The following CDH12 variants were observed in gnomAD, a reference collection of about 807,000 sequenced individuals.
CDH12 encodes cadherin-12.
Under a neutral mutation model 74.1 loss-of-function variants are expected in CDH12, and 41 were observed. The ratio of observed to expected loss-of-function variants is 0.55; its 90% CI spans 0.43 to 0.72. The LOEUF (loss-of-function observed/expected upper bound fraction) is 0.72. CDH12 is among the 30% of genes least tolerant of loss of function. The probability of loss-of-function intolerance (pLI) is 0.00; values close to 1 mark genes in which losing one functional copy is unlikely to be tolerated. For synonymous variants in CDH12, 399 were observed against 355.0 expected (o/e 1.12, Z -1.39); for missense variants, 945 against 977.2 (o/e 0.97, Z 0.44).
chr5:21,837,422 G>C (rs1427679603), intron 8 of CDH12, among the ~76,000 whole-genome samples: 1 of 150,502 alleles, frequency 6.6e-6, no homozygotes, highest in Non-Finnish European at 1.5e-5. Context: ...AATTTGTGTA[G>C]CTTAAGCAAT....
intron 1 of CDH12, among the ~76,000 whole-genome samples, chr5:22,537,162 A>C (rs1168141854): frequency 6.6e-6 from 1 of 152,182 alleles, no homozygotes; most frequent in East Asian, 1.9e-4. Context: ...ATCAAGCAAA[A>C]CTATAAAGGT....
intron 8 of CDH12, among the ~76,000 whole-genome samples, chr5:21,836,004 C>T (rs764784582): frequency 1.3e-5 from 2 of 151,600 alleles, no homozygotes; most frequent in Admixed American, 6.6e-5. Context: ...CATATATACA[C>T]GTACATACAT....
At chr5:22,415,816 T>C (rs909916966) in intron 2 of CDH12, among the ~76,000 whole-genome samples, 4 of 152,038 alleles carry the variant, frequency 2.6e-5, no homozygotes, top group Non-Finnish European at 5.9e-5. Context: ...CTAAAACATT[T>C]GGCATTGGAT....
intron 4 of CDH12, among the ~76,000 whole-genome samples, chr5:22,153,395 T>C (rs1747745287): frequency 6.6e-6 from 1 of 151,802 alleles, no homozygotes; most frequent in Non-Finnish European, 1.5e-5. Context: ...ATTTCCCATG[T>C]ATTATCTAGG....
At chr5:22,493,544 T>A (rs1746976199) in intron 2 of CDH12, among the ~76,000 whole-genome samples, 1 of 148,962 alleles carries the variant, frequency 6.7e-6, no homozygotes, top group Admixed American at 6.8e-5. Context: ...CATGCACTAT[T>A]TCAAAAATAG....
chr5:22,343,321 C>CAGAGAGAGAGAG (rs1283582617), intron 3 of CDH12, among the ~76,000 whole-genome samples: 2 of 124,214 alleles, frequency 1.6e-5, no homozygotes, highest in African/African-American at 7.4e-5. Flanking sequence ...CAGACACACA[C>CAGAGAGAGAGAG]ACAGAGAGAG....
chr5:22,487,997 C>A (rs190988127), intron 2 of CDH12, among the ~76,000 whole-genome samples: 4 of 152,292 alleles, frequency 2.6e-5, no homozygotes, highest in Non-Finnish European at 5.9e-5. Flanking sequence ...TTTGATACCA[C>A]GTCCATCACA....
intron 11 of CDH12, among the ~76,000 whole-genome samples, chr5:21,772,964 C>T (rs1002196706): frequency 3.8e-4 from 58 of 152,038 alleles, no homozygotes; most frequent in African/African-American, 1.4e-3. Flanking sequence ...AGTTTGATTA[C>T]AGTAATGTAC....
At chr5:21,914,733 C>A (rs912014497) in intron 6 of CDH12, among the ~76,000 whole-genome samples, 1 of 152,122 alleles carries the variant, frequency 6.6e-6, no homozygotes, top group Non-Finnish European at 1.5e-5. Context: ...TGAAGAAAAT[C>A]TCCTTTACTT....
intron 5 of CDH12, among the ~76,000 whole-genome samples, chr5:22,002,119 C>T (rs911696745): frequency 2.0e-5 from 3 of 151,844 alleles, no homozygotes; most frequent in Non-Finnish European, 4.4e-5. Context: ...AGAGAGACTC[C>T]AAAACTCATT....
At chr5:22,325,809 G>A (rs1561314530) in intron 3 of CDH12, among the ~76,000 whole-genome samples, 1 of 152,134 alleles carries the variant, frequency 6.6e-6, no homozygotes, top group Non-Finnish European at 1.5e-5. Flanking sequence ...TCGGGAGGCT[G>A]AGGCGGGAGA....
intron 3 of CDH12, among the ~76,000 whole-genome samples, chr5:22,254,017 CT>C (rs1414636569): frequency 6.6e-6 from 1 of 151,574 alleles, no homozygotes; most frequent in African/African-American, 2.4e-5. Flanking sequence ...AGATAATTGT[CT>C]TTGAAAGAAA....
chr5:22,124,268 C>T (rs1258642417), intron 4 of CDH12, among the ~76,000 whole-genome samples: 3 of 152,178 alleles, frequency 2.0e-5, no homozygotes, highest in South Asian at 2.1e-4. Context: ...GGATCACATG[C>T]GTGGGCCACC....
At position 21,769,480 on chromosome 5, in the gene CDH12, G is replaced by C. The variant is rs1350892158; in HGVS notation, c.1394-4381C>G. Among the ~76,000 whole-genome samples, 3 of 152,220 alleles carry C rather than the reference G, an allele frequency of 2.0e-5. No homozygotes were observed. In the East Asian group the frequency reaches 5.8e-4, roughly 29 times the overall value. On this transcript the variant is annotated intron_variant, in intron 11 of 14. Transcript: ENST00000382254. The stretch of plus-strand genomic sequence containing the variant: ...ATACTAGCAACGTCTAAATTTGTTA[G>C]TATATTAATTACCCTTCTATACTCA...
At chr5:21,902,079 GCA>G (rs1477038064) in intron 6 of CDH12, among the ~76,000 whole-genome samples, 2 of 151,952 alleles carry the variant, frequency 1.3e-5, no homozygotes, top group Non-Finnish European at 2.9e-5. Flanking sequence ...TCAAAATTAT[GCA>G]CTATACGCAA....
rs1327902519 is a variant in CDH12 at position 21,817,094 on chromosome 5, C to A, written c.853G>T (p.Gly285Cys). 1 of 1,611,774 alleles carries A rather than the reference C, an allele frequency of 6.2e-7. No individual in the cohort carries two copies. Among genetic ancestry groups the A allele is most frequent in the South Asian group, 1.1e-5 (1 of 90,788 alleles). Residue 285 changes from glycine (G) to cysteine (C), a missense_variant, in exon 9 of 15, where the codon GGT becomes TGT. This residue lies in a region of CDH12 where 791 missense variants were observed against 792.8 expected (regional missense o/e 1.00). Coordinates refer to ENST00000382254, the MANE Select transcript of CDH12 (RefSeq NM_004061.5). ...HLKVPESSPI[G>C]SAIGRIRAVD... ...GCTCTTATTCTTCCAATAGCTGAAC[C>A]AATAGGGGAAGACTCAGGAACTTTC...
At chr5:22,471,761 T>C (rs988631541) in intron 2 of CDH12, among the ~76,000 whole-genome samples, 1 of 152,212 alleles carries the variant, frequency 6.6e-6, no homozygotes, top group African/African-American at 2.4e-5. Context: ...AATCAGTGAC[T>C]CCTATTTTCT....
intron 10 of CDH12, among the ~76,000 whole-genome samples, chr5:21,786,838 T>C (rs1039525869): frequency 6.6e-6 from 1 of 152,142 alleles, no homozygotes; most frequent in Non-Finnish European, 1.5e-5. Context: ...AACAGGATTT[T>C]GGAAGAAGTT....
At chr5:22,253,105 A>G (rs1433502990) in intron 3 of CDH12, among the ~76,000 whole-genome samples, 1 of 151,934 alleles carries the variant, frequency 6.6e-6, no homozygotes, top group African/African-American at 2.4e-5. Flanking sequence ...TTTATTTATT[A>G]TCTGTTGAAT....
Sources: gnomAD v4.1 joint callset for allele counts (sites outside exome capture counted in the v4.1 genomes callset) on GRCh38, gnomAD v4.1.1 for gene constraint, gnomAD v4.1.1 regional missense constraint, MANE v1.5 for transcripts, NCBI Gene and HGNC (gene_info 2026-07-23, HGNC 2026-07-21) for gene names.